The following GABRG3 variants were observed in gnomAD, a reference collection of about 807,000 sequenced individuals.
GABRG3 encodes gamma-aminobutyric acid type A receptor subunit gamma3.
Under a neutral mutation model 48.8 loss-of-function variants are expected in GABRG3, and 25 were observed. The observed-to-expected ratio is 0.51, with a 90% confidence interval of 0.37 to 0.72. GABRG3 has a LOEUF of 0.72. GABRG3 is among the 30% of genes least tolerant of loss of function. GABRG3 has a pLI of 0.00. For missense variants in GABRG3, 394 were observed against 577.9 expected, an observed-to-expected ratio of 0.68 and a Z score of 3.26; for synonymous variants, 227 against 217.6, an observed-to-expected ratio of 1.04 and a Z score of -0.38.
chr15:27,042,590 C>T (rs1370902447), intron 3 of GABRG3, among the ~76,000 whole-genome samples: 8 of 152,330 alleles, frequency 5.3e-5, no homozygotes, highest in East Asian at 1.9e-4. Context: ...CACCATGTCC[C>T]GCACACATCA....
intron 3 of GABRG3, among the ~76,000 whole-genome samples, chr15:27,091,203 T>C (rs1264741455): frequency 3.3e-5 from 5 of 152,256 alleles, no homozygotes; most frequent in Non-Finnish European, 7.3e-5. Context: ...TAACAGATAC[T>C]GTATTTTGTG....
intron 2 of GABRG3, among the ~76,000 whole-genome samples, chr15:26,978,507 T>C (rs1367925895): frequency 2.0e-5 from 3 of 152,204 alleles, no homozygotes; most frequent in African/African-American, 7.2e-5. Flanking sequence ...AAAATAAATA[T>C]GTAAGATTTA....
At chr15:27,401,499 C>A (rs763348083) in intron 5 of GABRG3, among the ~76,000 whole-genome samples, 2 of 152,166 alleles carry the variant, frequency 1.3e-5, no homozygotes, top group Non-Finnish European at 2.9e-5. Context: ...GATTCTGGAT[C>A]GCATTCAACT....
At chr15:27,090,400 G>A (rs777484508) in intron 3 of GABRG3, among the ~76,000 whole-genome samples, 1 of 152,166 alleles carries the variant, frequency 6.6e-6, no homozygotes, top group African/African-American at 2.4e-5. Context: ...CAGCACCTGC[G>A]TTTAGGAGTG....
At chr15:27,486,389 T>G (rs1012847626) in intron 6 of GABRG3, among the ~76,000 whole-genome samples, 4 of 152,252 alleles carry the variant, frequency 2.6e-5, no homozygotes, top group Admixed American at 6.5e-5. Context: ...TGGCTTGATG[T>G]GGACATCTGA....
At chr15:27,520,174 A>C (rs547519737) in intron 7 of GABRG3, 50 bp downstream of exon 7, 3 of 1,502,236 alleles carry the variant, frequency 2.0e-6, no homozygotes, top group Non-Finnish European at 2.7e-6. Flanking sequence ...GTAATATAGA[A>C]GCATTCATAA....
intron 5 of GABRG3, chr15:27,364,806 A>T (rs1895136935): frequency 6.6e-6 from 1 of 152,232 alleles, no homozygotes; most frequent in South Asian, 2.1e-4. Context: ...ATCATAAAGG[A>T]GTAATGCAAC....
At chr15:27,207,944 T>C (rs896298966) in intron 3 of GABRG3, 1 of 152,278 alleles carries the variant, frequency 6.6e-6, no homozygotes, top group African/African-American at 2.4e-5. Context: ...GCAAGCTTCA[T>C]GTAGGGAAGT....
intron 3 of GABRG3, among the ~76,000 whole-genome samples, chr15:27,094,632 T>G (rs1184936659): frequency 6.6e-6 from 1 of 152,122 alleles, no homozygotes; most frequent in Non-Finnish European, 1.5e-5. Flanking sequence ...TTGTTGGAAT[T>G]GGGCCTGAGA....
At chr15:27,235,167 T>A (rs1312033234) in intron 3 of GABRG3, among the ~76,000 whole-genome samples, 1 of 152,230 alleles carries the variant, frequency 6.6e-6, no homozygotes, top group East Asian at 1.9e-4. Flanking sequence ...TGTTAAAAAA[T>A]GAAATTGTAA....
chr15:27,442,099 G>A (rs1452038467), intron 5 of GABRG3, among the ~76,000 whole-genome samples: 2 of 152,138 alleles, frequency 1.3e-5, no homozygotes, highest in Non-Finnish European at 2.9e-5. Flanking sequence ...GGACCTGCCA[G>A]GAGCTGAGGG....
At chr15:27,475,752 A>G (rs1030555614) in intron 5 of GABRG3, among the ~76,000 whole-genome samples, 1 of 151,616 alleles carries the variant, frequency 6.6e-6, no homozygotes, top group Non-Finnish European at 1.5e-5. Flanking sequence ...GATGATCGTG[A>G]TGGTGACAAT....
At chr15:27,118,296 G>A (rs910634857) in intron 3 of GABRG3, among the ~76,000 whole-genome samples, 22 of 152,126 alleles carry the variant, frequency 1.4e-4, no homozygotes, top group African/African-American at 4.1e-4. Context: ...TTATGTGTAC[G>A]TATTATATGG....
intron 6 of GABRG3, among the ~76,000 whole-genome samples, chr15:27,498,799 C>A (rs1363474599): frequency 1.3e-5 from 2 of 151,970 alleles, no homozygotes; most frequent in Admixed American, 6.5e-5. Flanking sequence ...AGCCACCACG[C>A]CCGGCCAGAT....
At chr15:27,388,087 GAGGGAGGAA>G (rs1456207376) in intron 5 of GABRG3, among the ~76,000 whole-genome samples, 14 of 49,806 alleles carry the variant, frequency 2.8e-4, no homozygotes, top group South Asian at 1.8e-3. Context: ...GGAAGGAAAG[GAGGGAGGAA>G]AGGGAGGGAG....
intron 2 of GABRG3, among the ~76,000 whole-genome samples, chr15:26,979,003 T>C (rs965871184): frequency 5.9e-5 from 9 of 152,234 alleles, no homozygotes; most frequent in Non-Finnish European, 1.2e-4. Flanking sequence ...CTTTATGTTC[T>C]TGTATCAGTG....
At chr15:27,003,239 T>A (rs7402705) in intron 2 of GABRG3, among the ~76,000 whole-genome samples, 3 of 106,850 alleles carry the variant, frequency 2.8e-5, no homozygotes, top group South Asian at 5.6e-4. Context: ...TTATTTATTT[T>A]TTATTGATCA....
intron 3 of GABRG3, among the ~76,000 whole-genome samples, chr15:27,309,830 A>G (rs1892934851): frequency 6.6e-6 from 1 of 152,028 alleles, no homozygotes; most frequent in South Asian, 2.1e-4. Flanking sequence ...GCCTAGAGAG[A>G]TGAAAAATTT....
chr15:27,421,991 G>A (rs57378647), intron 5 of GABRG3, among the ~76,000 whole-genome samples: 1,449 of 76,276 alleles, frequency 0.019, 82 homozygotes, highest in East Asian at 0.083. Flanking sequence ...ACCAATACTG[G>A]GTGTTCTAAG....
Sources: gnomAD v4.1 joint callset for allele counts (sites outside exome capture counted in the v4.1 genomes callset) on GRCh38, gnomAD v4.1.1 for gene constraint, MANE v1.5 for transcripts, NCBI Gene and HGNC (gene_info 2026-07-23, HGNC 2026-07-21) for gene names.